Variants in GPATCH2 observed in about 807,000 individuals in gnomAD.
GPATCH2 encodes G patch domain-containing protein 2.
In GPATCH2, 51 loss-of-function variants were observed where a neutral mutation model predicts 58.0. The observed-to-expected ratio is 0.88, with a 90% CI of 0.70 to 1.11. The LOEUF is 1.11. Among genes scored for constraint, GPATCH2 ranks in the 50% most tolerant of loss-of-function variants. The pLI is 0.00. For synonymous variants in GPATCH2, 222 were observed against 218.5 expected (o/e 1.02, Z -0.14); for missense variants, 625 against 652.2 (o/e 0.96, Z 0.45).
At chr1:217,534,133 T>G (rs1664343993) in intron 5 of GPATCH2, among the ~76,000 whole-genome samples, 1 of 152,066 alleles carries the variant, frequency 6.6e-6, no homozygotes, top group South Asian at 2.1e-4. Flanking sequence ...GGAGAATCGC[T>G]TGAACCCAGG....
At chr1:217,436,546 T>G (rs1043878989) in intron 9 of GPATCH2, among the ~76,000 whole-genome samples, 2 of 152,298 alleles carry the variant, frequency 1.3e-5, no homozygotes, top group South Asian at 4.1e-4. Context: ...ACTAAAAAAA[T>G]TCATTGAGTA....
chr1:217,507,927 T>C (rs1401148385), intron 6 of GPATCH2, among the ~76,000 whole-genome samples: 1 of 151,996 alleles, frequency 6.6e-6, no homozygotes, highest in Non-Finnish European at 1.5e-5. Context: ...GTAGTAAAAA[T>C]ACTAAAAACA....
In GPATCH2 at chr1:217,427,807, T is replaced by A. The variant is rs1658387768; in HGVS notation, c.*3338A>T. The A allele has an allele frequency of 6.6e-6, 1 of 152,170 alleles. No individual in the cohort carries two copies. The highest frequency in any genetic ancestry group is 1.5e-5 in the Non-Finnish European group (1 of 68,000). The allele number at this position is 152,170 out of a possible 1,614,324, so 9.4% of individuals were successfully genotyped here. A position where few individuals can be genotyped will look rare whatever the true frequency, so the allele number is the denominator to read the frequency against. On this transcript the variant is annotated 3_prime_UTR_variant, in exon 10 of 10. Transcript: ENST00000366935. The stretch of plus-strand genomic sequence containing the variant: ...AATTTACAAGAATGCCAATTCTCAA[T>A]ATTAAAATAAACATTAATAAAATGC...
intron 8 of GPATCH2, among the ~76,000 whole-genome samples, chr1:217,486,991 CTT>C (rs1661482393): frequency 6.6e-6 from 1 of 152,164 alleles, no homozygotes; most frequent in South Asian, 2.1e-4. Context: ...AGGTCTGAGT[CTT>C]TGTGTGGGGC....
chr1:217,526,323 C>G (rs1254990018), intron 5 of GPATCH2, among the ~76,000 whole-genome samples: 1 of 152,130 alleles, frequency 6.6e-6, no homozygotes, highest in South Asian at 2.1e-4. Flanking sequence ...GGCAACCATT[C>G]AATCATTCAA....
intron 5 of GPATCH2, among the ~76,000 whole-genome samples, chr1:217,532,705 C>T (rs889380968): frequency 6.6e-6 from 1 of 151,930 alleles, no homozygotes; most frequent in African/African-American, 2.4e-5. Flanking sequence ...AGGAATGAAA[C>T]ATTCTTAGAC....
chr1:217,515,100 AT>A (rs776832847), intron 5 of GPATCH2, among the ~76,000 whole-genome samples: 534 of 143,410 alleles, frequency 3.7e-3, no homozygotes, highest in Admixed American at 4.1e-3. Flanking sequence ...CCTCTGCTAG[AT>A]TTTTTTTTTT....
chr1:217,595,593 G>A (rs1667785000), intron 5 of GPATCH2, among the ~76,000 whole-genome samples: 2 of 151,746 alleles, frequency 1.3e-5, no homozygotes, highest in African/African-American at 4.8e-5. Flanking sequence ...TCCGCCTCCT[G>A]GGTTCAAGAA....
At chr1:217,539,149 C>T (rs917110816) in intron 5 of GPATCH2, among the ~76,000 whole-genome samples, 20 of 151,730 alleles carry the variant, frequency 1.3e-4, no homozygotes, top group African/African-American at 3.9e-4. Flanking sequence ...TTCCTTAGTA[C>T]ATCAGATTAA....
At chr1:217,545,228 C>T (rs916943415) in intron 5 of GPATCH2, among the ~76,000 whole-genome samples, 1 of 152,218 alleles carries the variant, frequency 6.6e-6, no homozygotes, top group Non-Finnish European at 1.5e-5. Context: ...GCCCAGAAAT[C>T]AGAGATTCCA....
chr1:217,608,253 G>A (rs1200663196), intron 5 of GPATCH2: 1 of 974,452 alleles, frequency 1.0e-6, no homozygotes, highest in Non-Finnish European at 1.2e-6. Flanking sequence ...ATTCAAACAA[G>A]GACAATTCAG....
intron 9 of GPATCH2, among the ~76,000 whole-genome samples, chr1:217,440,863 C>T (rs1219956054): frequency 6.6e-6 from 1 of 152,086 alleles, no homozygotes; most frequent in Non-Finnish European, 1.5e-5. Flanking sequence ...AGAGAGGACA[C>T]AAACAAATGG....
At chr1:217,607,509 C>T (rs1320486958) in intron 5 of GPATCH2, among the ~76,000 whole-genome samples, 1 of 152,078 alleles carries the variant, frequency 6.6e-6, no homozygotes, top group Non-Finnish European at 1.5e-5. Flanking sequence ...AAGCTTTGTT[C>T]AGCCGTAAGT....
chr1:217,558,383 C>T (rs1473303838), intron 5 of GPATCH2, among the ~76,000 whole-genome samples: 1 of 152,146 alleles, frequency 6.6e-6, no homozygotes, highest in Non-Finnish European at 1.5e-5. Flanking sequence ...GGCTCTTAAT[C>T]TAACATTAAA....
At chr1:217,566,718 A>G (rs1377651946) in intron 5 of GPATCH2, among the ~76,000 whole-genome samples, 1 of 152,224 alleles carries the variant, frequency 6.6e-6, no homozygotes, top group African/African-American at 2.4e-5. Context: ...ATTTAAATTA[A>G]CACTTAAAGG....
At chr1:217,530,118 T>C (rs1384882569) in intron 5 of GPATCH2, among the ~76,000 whole-genome samples, 1 of 152,230 alleles carries the variant, frequency 6.6e-6, no homozygotes, top group Non-Finnish European at 1.5e-5. Context: ...TGTTATCCAA[T>C]GCAGTGATCA....
Position 217,431,131 on chromosome 1 carries a change from C to A in GPATCH2, c.*14G>T, listed in dbSNP as rs770118626. 8.4e-7 allele frequency: 1 copy of A among 1,193,380 alleles called. No individual in the cohort carries two copies. The highest frequency in any genetic ancestry group is 1.2e-5 in the South Asian group (1 of 82,704). The allele number at this position is 1,193,380 out of a possible 1,614,324, so 73.9% of individuals were successfully genotyped here. ...AGTGAATAAAGTCTGTAAAACATTTCTTCTTTGCTTTTCTTAGGCGGATTT... is the reference window on the plus strand; with the variant it reads ...AGTGAATAAAGTCTGTAAAACATTTATTCTTTGCTTTTCTTAGGCGGATTT... On this transcript the variant is annotated 3_prime_UTR_variant, in exon 10 of 10. Coordinates refer to ENST00000366935, the MANE Select transcript of GPATCH2 (RefSeq NM_018040.5).
intron 1 of GPATCH2, among the ~76,000 whole-genome samples, chr1:217,621,364 G>A (rs565248918): frequency 6.6e-6 from 1 of 152,188 alleles, no homozygotes; most frequent in African/African-American, 2.4e-5. Flanking sequence ...ATTCAGATTT[G>A]CACCCGTCTT....
chr1:217,504,399 G>A (rs890866626), intron 6 of GPATCH2, among the ~76,000 whole-genome samples: 2 of 152,088 alleles, frequency 1.3e-5, no homozygotes, highest in African/African-American at 2.4e-5. Context: ...TATTATATTC[G>A]TATATTGCAG....
Sources: gnomAD v4.1 joint callset for allele counts (sites outside exome capture counted in the v4.1 genomes callset) on GRCh38, gnomAD v4.1.1 for gene constraint, MANE v1.5 for transcripts, NCBI Gene and HGNC (gene_info 2026-07-23, HGNC 2026-07-21) for gene names.